Variants in TEX11 observed in about 807,000 individuals in gnomAD.
TEX11 encodes testis-expressed protein 11.
A neutral mutation model predicts 84.4 loss-of-function variants in TEX11; 7 were observed. That is an observed-to-expected ratio of 0.08 (90% CI 0.05 to 0.16). The LOEUF is 0.16. Ranked by LOEUF, TEX11 falls within the 10% of genes least tolerant of loss-of-function variation. TEX11 has a pLI of 1.00. For synonymous variants in TEX11, 264 were observed against 222.8 expected (o/e 1.18, Z -1.64); for missense variants, 551 against 660.5 (o/e 0.83, Z 1.82).
intron 9 of TEX11, among the ~76,000 whole-genome samples, chrX:70,764,555 AG>A (rs1447481068): frequency 8.9e-6 from 1 of 111,907 alleles, no homozygotes; most frequent in East Asian, 2.8e-4. Context: ...TTTTTTGAAA[AG>A]TTAAACAAAA....
At chrX:70,659,622 A>G (rs189982539) in intron 16 of TEX11, among the ~76,000 whole-genome samples, 101 of 112,235 alleles carry the variant, frequency 9.0e-4, no homozygotes, top group Admixed American at 2.0e-3. Context: ...AAAATGGTAC[A>G]ACCATTGTGG....
intron 14 of TEX11, 77 bp from the exon 15 acceptor site, chrX:70,678,966 C>G (rs1451889191): frequency 1.2e-6 from 1 of 800,192 alleles, no homozygotes; most frequent in Non-Finnish European, 1.8e-6. Context: ...CCCTCTCCCT[C>G]TCCCCACGGT....
chrX:70,775,672 C>T (rs377151529), intron 9 of TEX11, among the ~76,000 whole-genome samples: 19 of 107,950 alleles, frequency 1.8e-4, no homozygotes, highest in African/African-American at 6.1e-4. Flanking sequence ...TGGTGATGCA[C>T]GCCTGTGATC....
At chrX:70,705,032 G>A (rs1242451608) in intron 13 of TEX11, among the ~76,000 whole-genome samples, 1 of 111,520 alleles carries the variant, frequency 9.0e-6, no homozygotes, top group Admixed American at 9.6e-5. Context: ...AGTTTTCCCA[G>A]CACCATTTAT....
At chrX:70,608,277 T>C (rs2089217639) in intron 22 of TEX11, among the ~76,000 whole-genome samples, 1 of 112,203 alleles carries the variant, frequency 8.9e-6, no homozygotes, top group African/African-American at 3.2e-5. Flanking sequence ...ACCATTATCC[T>C]GACTTATAAC....
chrX:70,598,667 TG>T (rs957857352), intron 24 of TEX11, among the ~76,000 whole-genome samples: 7 of 112,273 alleles, frequency 6.2e-5, no homozygotes, highest in African/African-American at 2.3e-4. Flanking sequence ...ATTTATACAA[TG>T]GAATATAATT....
rs200202654 is a variant in TEX11, at chrX:70,817,230, T to C, written c.607-10440A>G. On this transcript the variant is annotated intron_variant, in intron 8 of 29. Coordinates refer to ENST00000374333, the MANE Select transcript of TEX11 (RefSeq NM_031276.3). ...ACACATATTTATATACACATACACATACACACACACACACATATATATATA... is the reference window on the plus strand; with the variant it reads ...ACACATATTTATATACACATACACACACACACACACACACATATATATATA... 3.5e-4 allele frequency among the ~76,000 whole-genome samples: 30 copies of C among 85,456 alleles called. 1 individual carries two copies. Among genetic ancestry groups the C allele is most frequent in the African/African-American group, 7.3e-4 (17 of 23,131 alleles). The allele number at this position is 85,456 out of a possible 115,157, so 74.2% of individuals were successfully genotyped here. A position where few individuals can be genotyped will look rare whatever the true frequency, so the allele number is the denominator to read the frequency against.
downstream of TEX11, among the ~76,000 whole-genome samples, chrX:70,525,032 T>A (rs2087810214): frequency 9.0e-6 from 1 of 110,657 alleles, no homozygotes; most frequent in African/African-American, 3.3e-5. Context: ...ATAAAAAAAA[T>A]TAGCTAATCA....
chrX:70,820,109 A>G (rs1251111318), intron 8 of TEX11, among the ~76,000 whole-genome samples: 1 of 112,337 alleles, frequency 8.9e-6, no homozygotes, highest in African/African-American at 3.2e-5. Context: ...AAATAGCCAA[A>G]GAAATCTTGC....
intron 8 of TEX11, among the ~76,000 whole-genome samples, chrX:70,828,209 C>G (rs1296648218): frequency 4.5e-5 from 5 of 110,689 alleles, no homozygotes; most frequent in Non-Finnish European, 9.4e-5. Flanking sequence ...TCAACACCAT[C>G]CAGGAAAACA....
At chrX:70,598,676 A>C (rs2089043538) in intron 24 of TEX11, among the ~76,000 whole-genome samples, 1 of 112,504 alleles carries the variant, frequency 8.9e-6, no homozygotes, top group African/African-American at 3.2e-5. Flanking sequence ...ATGGAATATA[A>C]TTCAGCCATA....
At position 70,727,923 on chromosome X, in the gene TEX11, C is replaced by A. The variant is rs1287549984; in HGVS notation, c.844-2580G>T. 2.7e-5 allele frequency among the ~76,000 whole-genome samples: 3 copies of A among 112,054 alleles called. No homozygotes were observed. In the Admixed American group the frequency reaches 2.8e-4, roughly 11 times the overall value. On this transcript the variant is annotated intron_variant, in intron 11 of 29. Coordinates refer to ENST00000374333, the MANE Select transcript of TEX11 (RefSeq NM_031276.3). ...ATAAAGTTCTGTTGCTTAAGCCACC[C>A]AGTTTATAGTATTTAGTTATAACAG... is the stretch of plus-strand genomic sequence containing the variant.
At chrX:70,700,496 T>A (rs1180615358) in intron 13 of TEX11, among the ~76,000 whole-genome samples, 3 of 111,679 alleles carry the variant, frequency 2.7e-5, no homozygotes, top group Non-Finnish European at 5.6e-5. Flanking sequence ...TACCATAAAC[T>A]AAGCCCAAAT....
chrX:70,781,086 C>A lies in TEX11; in HGVS notation c.692+25619G>T, dbSNP rs1337097388. Reference sequence around the variant, plus strand: ...AACAGACACCTCATATAGGCAGATGCCCCTCTGGGATGAAGCTTCCAGAGA... The same window carrying A: ...AACAGACACCTCATATAGGCAGATGACCCTCTGGGATGAAGCTTCCAGAGA... On this transcript the variant is annotated intron_variant, in intron 9 of 29. Transcript: ENST00000374333. Among the ~76,000 whole-genome samples, 23 of 111,605 alleles carry A rather than the reference C, an allele frequency of 2.1e-4. No homozygotes were observed. The Admixed American group carries it at 2.2e-3, about 11-fold the overall frequency.
chrX:70,853,150 G>A lies in TEX11; in HGVS notation c.409C>T (p.Leu137=), dbSNP rs150818139. The part of the protein sequence containing the change: ...DECFQAAVAS[L]EQLYVKLIQR... ...ATTAATTTGACGTATAATTGCTCCA[G>A]ACTCTGGAAAATAAACCCACAGTAC... is the stretch of plus-strand genomic sequence containing the variant. Residue 137 remains leucine, a synonymous_variant, in exon 7 of 30, where the codon CTG becomes TTG. Coordinates refer to ENST00000374333, the MANE Select transcript of TEX11 (RefSeq NM_031276.3). The A allele has an allele frequency of 3.7e-4, 445 of 1,208,419 alleles. 4 individuals carry two copies. In the African/African-American group the frequency reaches 6.7e-3, roughly 18 times the overall value.
the TEX11 span, among the ~76,000 whole-genome samples, chrX:70,521,854 T>C: frequency 9.0e-6 from 1 of 110,853 alleles, no homozygotes; most frequent in Non-Finnish European, 1.9e-5. Context: ...CTGATACATA[T>C]GACTTAAAAT....
In TEX11 at chrX:70,722,646, T is replaced by C. The variant is rs1471807161; in HGVS notation, c.976A>G (p.Ile326Val). 7.5e-6 allele frequency: 9 copies of C among 1,207,119 alleles called. No homozygotes were observed. Among genetic ancestry groups the C allele is most frequent in the Non-Finnish European group, 1.0e-5 (9 of 891,748 alleles). ...LDMPLDFCLN[I>V]AKLLMDHERE... is the part of the protein sequence containing the mutation. ...TCATGATCCATCAGCAGTTTAGCAA[T>C]GTTCAGACAGAAGTCTAAGGGCATG... The change falls in exon 13 of 30, where the codon ATT becomes GTT. Residue 326 changes from isoleucine (I) to valine (V), a missense_variant. By Grantham distance (29) the Ile-to-Val change is conservative. Coordinates refer to ENST00000374333, the MANE Select transcript of TEX11 (RefSeq NM_031276.3).
chrX:70,590,352 C>T (rs1403548064), intron 25 of TEX11, among the ~76,000 whole-genome samples: 1 of 111,390 alleles, frequency 9.0e-6, no homozygotes, highest in Admixed American at 9.6e-5. Context: ...TAAGCAAAAA[C>T]AAAGTGACAG....
chrX:70,582,236 A>G (rs2088786187), intron 25 of TEX11, among the ~76,000 whole-genome samples: 1 of 111,869 alleles, frequency 8.9e-6, no homozygotes, highest in East Asian at 2.8e-4. Flanking sequence ...ATCTATTACA[A>G]TATCACACAT....
Sources: allele counts gnomAD v4.1 joint callset (sites outside exome capture counted in the v4.1 genomes callset), GRCh38; gene constraint gnomAD v4.1.1; transcripts MANE v1.5; gene names NCBI Gene and HGNC (gene_info 2026-07-23, HGNC 2026-07-21).